The following TBC1D19 variants were observed in gnomAD, a reference collection of about 807,000 sequenced individuals.
TBC1D19 encodes the protein TBC1 domain family, member 19.
In TBC1D19, 60 loss-of-function variants were observed where a neutral mutation model predicts 89.0. The observed-to-expected ratio is 0.67, with a 90% confidence interval of 0.55 to 0.84. The LOEUF is 0.84. TBC1D19 is among the 40% of genes least tolerant of loss of function. The pLI is 0.00. For synonymous variants in TBC1D19, 189 were observed against 199.7 expected (o/e 0.95, Z 0.45); for missense variants, 500 against 610.8 (o/e 0.82, Z 1.91).
At position 26,755,060 on chromosome 4, in the gene TBC1D19, C is replaced by A; in HGVS notation, c.*113C>A. 1 of 902,902 alleles carries A rather than the reference C, an allele frequency of 1.1e-6. No homozygotes were observed. The highest frequency in any genetic ancestry group is 1.9e-5 in the South Asian group (1 of 53,674). The allele number at this position is 902,902 out of a possible 1,614,324, so 55.9% of individuals were successfully genotyped here. ...ACTTTGCATATAAGCCAATAAAGAT[C>A]ATGTTCCCTCTTCAGTTAAACCTAA... On this transcript the variant is annotated 3_prime_UTR_variant, in exon 21 of 21. Transcript: ENST00000264866.
chr4:26,768,667 G>A, the TBC1D19 span, among the ~76,000 whole-genome samples: 1 of 152,066 alleles, frequency 6.6e-6, no homozygotes, highest in African/African-American at 2.4e-5. Flanking sequence ...TTAAAAAATA[G>A]TGTCTAAGAT....
chr4:26,660,365 C>T (rs191229382), intron 8 of TBC1D19, among the ~76,000 whole-genome samples: 262 of 152,240 alleles, frequency 1.7e-3, no homozygotes, highest in African/African-American at 6.0e-3. Context: ...TGATAAATGA[C>T]TTAAACAGGG....
intron 4 of TBC1D19, 97 bp from the exon 5 acceptor site, chr4:26,637,114 G>C (rs933149339): frequency 2.3e-6 from 2 of 861,818 alleles, no homozygotes; most frequent in Non-Finnish European, 1.8e-6. Context: ...ATCTCAACCA[G>C]CCTTACCATT....
the TBC1D19 span, among the ~76,000 whole-genome samples, chr4:26,854,910 G>C: frequency 6.6e-6 from 1 of 152,150 alleles, no homozygotes; most frequent in African/African-American, 2.4e-5. Flanking sequence ...GGAGCGGCAG[G>C]TGGCATGACT....
chr4:26,741,002 C>G lies in TBC1D19; in HGVS notation c.1227+1029C>G, dbSNP rs987425217. The stretch of plus-strand genomic sequence containing the variant: ...ATCTCTAAGAGAACTTGATTTTGTT[C>G]TTATCTTACTTTAATATTTAATCTG... On this transcript the variant is annotated intron_variant, in intron 17 of 20. Transcript: ENST00000264866. 2.2e-4 allele frequency: 204 copies of G among 919,938 alleles called. 1 individual carries two copies. Among genetic ancestry groups the G allele is most frequent in the Middle Eastern group, 2.2e-3 (4 of 1,822 alleles). 57.0% of individuals were successfully genotyped at this position (919,938 alleles called of 1,614,324 possible). A position where few individuals can be genotyped will look rare whatever the true frequency, so the allele number is the denominator to read the frequency against.
At chr4:26,694,062 G>A (rs1460383057) in intron 13 of TBC1D19, among the ~76,000 whole-genome samples, 1 of 152,062 alleles carries the variant, frequency 6.6e-6, no homozygotes. Context: ...AGGACAGTGG[G>A]TGCAGCCCAC....
chr4:26,684,590 A>G (rs543894135), intron 12 of TBC1D19, among the ~76,000 whole-genome samples: 33 of 152,316 alleles, frequency 2.2e-4, no homozygotes, highest in African/African-American at 7.5e-4. Context: ...GTTGAACCAG[A>G]TTGGTCTGGT....
the TBC1D19 span, among the ~76,000 whole-genome samples, chr4:26,854,025 C>T: frequency 6.6e-6 from 1 of 152,168 alleles, no homozygotes; most frequent in Non-Finnish European, 1.5e-5. Context: ...TTCTGAAACA[C>T]CTTTGTGTAA....
At chr4:26,784,806 C>T in the TBC1D19 span, among the ~76,000 whole-genome samples, 1 of 152,178 alleles carries the variant, frequency 6.6e-6, no homozygotes, top group Non-Finnish European at 1.5e-5. Context: ...AAGTAGTTCT[C>T]TGCCTTGGGG....
At chr4:26,740,905 G>A in intron 17 of TBC1D19, 1 of 985,342 alleles carries the variant, frequency 1.0e-6, no homozygotes, top group African/African-American at 1.7e-5. Context: ...GCTAGTGAAA[G>A]TTGGCAAATC....
the TBC1D19 span, among the ~76,000 whole-genome samples, chr4:26,842,636 C>CTTT: frequency 8.1e-6 from 1 of 123,276 alleles, no homozygotes; most frequent in Middle Eastern, 4.4e-3. Context: ...TTCTTTCTTT[C>CTTT]TTTCTTTCTT....
chr4:26,775,988 A>C, the TBC1D19 span, among the ~76,000 whole-genome samples: 1 of 152,172 alleles, frequency 6.6e-6, no homozygotes, highest in African/African-American at 2.4e-5. Context: ...CACTTCAAGG[A>C]GTAAAGTTTT....
At chr4:26,822,046 G>A in the TBC1D19 span, among the ~76,000 whole-genome samples, 2 of 152,204 alleles carry the variant, frequency 1.3e-5, no homozygotes, top group Admixed American at 6.5e-5. Context: ...GCCAAGCCCC[G>A]CTGTTGCCTG....
chr4:26,804,646 C>T, the TBC1D19 span, among the ~76,000 whole-genome samples: 5 of 152,212 alleles, frequency 3.3e-5, no homozygotes, highest in South Asian at 1.0e-3. Context: ...CCCAGGACGG[C>T]GCAGCGCAGG....
At chr4:26,787,584 C>T in the TBC1D19 span, among the ~76,000 whole-genome samples, 2 of 152,072 alleles carry the variant, frequency 1.3e-5, no homozygotes, top group Admixed American at 1.3e-4. Flanking sequence ...CATCTGGTGT[C>T]ACTGAGGGGG....
In TBC1D19 at chr4:26,620,662, C is replaced by T; in HGVS notation, c.268C>T (p.Pro90Ser). 1 of 1,613,598 alleles carries T rather than the reference C, an allele frequency of 6.2e-7. No individual in the cohort carries two copies. ...PAAPPEHLKE[P>S]LVYMRKAQGS... ...TGCACCTCCTGAACATCTTAAAGAA[C>T]CTTTGGTATACATGAGGAAAGCACA... Residue 90 changes from proline (P) to serine (S), a missense_variant, in exon 4 of 21, where the codon CCT (proline) becomes TCT (serine). Pro to Ser is a moderately conservative substitution (Grantham distance 74, BLOSUM62 -1). Transcript: ENST00000264866.
chr4:26,719,858 C>T (rs982462307), intron 14 of TBC1D19, among the ~76,000 whole-genome samples: 1 of 152,028 alleles, frequency 6.6e-6, no homozygotes, highest in African/African-American at 2.4e-5. Context: ...TGTTTTGTGT[C>T]GCTTCTGTTG....
chr4:26,704,296 G>A (rs1016427165), intron 13 of TBC1D19, among the ~76,000 whole-genome samples: 2 of 151,142 alleles, frequency 1.3e-5, no homozygotes, highest in Admixed American at 1.3e-4. Flanking sequence ...AATACTGAGT[G>A]GAATTTTCAC....
chr4:26,758,317 C>A (rs1205260605), downstream of TBC1D19, among the ~76,000 whole-genome samples: 1 of 152,068 alleles, frequency 6.6e-6, no homozygotes, highest in Non-Finnish European at 1.5e-5. Flanking sequence ...TGTCTGTATC[C>A]CTTGACCTAC....
Sources: allele counts gnomAD v4.1 joint callset (sites outside exome capture counted in the v4.1 genomes callset), GRCh38; gene constraint gnomAD v4.1.1; transcripts MANE v1.5; gene names NCBI Gene and HGNC (gene_info 2026-07-23, HGNC 2026-07-21).